Variants in IPO5 observed in about 807,000 individuals in gnomAD.
The protein encoded by IPO5 is importin 5.
In IPO5, 18 loss-of-function variants were observed where a neutral mutation model predicts 143.3. The observed-to-expected ratio is 0.13, with a 90% CI of 0.09 to 0.19. IPO5 has a LOEUF of 0.19. Ranked by LOEUF, IPO5 falls within the 10% of genes least tolerant of loss-of-function variation. The pLI is 1.00. For missense variants in IPO5, 1,013 were observed against 1,336.9 expected, an observed-to-expected ratio of 0.76 and a Z score of 3.78; for synonymous variants, 477 against 465.7, an observed-to-expected ratio of 1.02 and a Z score of -0.31.
chr13:97,983,816 T>C (rs535209058), intron 5 of IPO5, among the ~76,000 whole-genome samples: 96 of 152,158 alleles, frequency 6.3e-4, no homozygotes, highest in Non-Finnish European at 9.1e-4. Context: ...AGCAACTTCA[T>C]GTTCTCTCAA....
At chr13:97,990,629 T>A (rs1887729993) in intron 9 of IPO5, 92 bp downstream of exon 9, 1 of 707,860 alleles carries the variant, frequency 1.4e-6, no homozygotes, top group East Asian at 2.8e-5. Context: ...TATTGCCTAT[T>A]ATGTTCTGGC....
At chr13:97,980,961 A>T (rs1202448298) in intron 4 of IPO5, among the ~76,000 whole-genome samples, 24 of 152,292 alleles carry the variant, frequency 1.6e-4, no homozygotes, top group Non-Finnish European at 1.3e-4. Context: ...GATACTTTTT[A>T]AATGAAAACA....
At position 98,019,581 on chromosome 13, in the gene IPO5, A is replaced by G; in HGVS notation, c.2837A>G (p.Glu946Gly). Residue 946 changes from glutamate to glycine, a missense_variant and splice_region_variant, in exon 27 of 29, where the codon GAA (glutamate) becomes GGA (glycine). Glu to Gly is a moderately conservative substitution (Grantham distance 98). Transcript: ENST00000651721. ...GGDNYRPFCTEALPLLVRVIQ... is the reference protein window; with the variant it reads ...GGDNYRPFCTGALPLLVRVIQ... ...AACTTCTTTCAAATGCTTATTTTAG[A>G]AGCACTTCCCCTGCTGGTAAGAGTT... is the stretch of plus-strand genomic sequence containing the variant. 6.2e-7 allele frequency: 1 copy of G among 1,606,372 alleles called. No individual in the cohort carries two copies. Among genetic ancestry groups the G allele is most frequent in the Non-Finnish European group, 8.5e-7 (1 of 1,174,082 alleles).
chr13:98,005,239 C>G (rs1338278872), intron 16 of IPO5, among the ~76,000 whole-genome samples: 1 of 151,576 alleles, frequency 6.6e-6, no homozygotes, highest in Non-Finnish European at 1.5e-5. Context: ...CTCTTGTCAA[C>G]CCAGCTGGGA....
At chr13:97,958,540 C>T (rs1802142341) in intron 2 of IPO5, among the ~76,000 whole-genome samples, 3 of 152,078 alleles carry the variant, frequency 2.0e-5, no homozygotes, top group Non-Finnish European at 4.4e-5. Context: ...ATTGCAGGGT[C>T]CTCTATCTCA....
intron 2 of IPO5, among the ~76,000 whole-genome samples, chr13:97,956,210 G>A (rs569720630): frequency 2.6e-4 from 39 of 151,942 alleles, no homozygotes; most frequent in Admixed American, 2.4e-3. Flanking sequence ...CAAAAGGCCA[G>A]TAAGGAATTA....
intron 12 of IPO5, among the ~76,000 whole-genome samples, chr13:97,998,397 C>G (rs1290990088): frequency 6.6e-6 from 1 of 152,124 alleles, no homozygotes; most frequent in Non-Finnish European, 1.5e-5. Flanking sequence ...GTGATAAATG[C>G]TTTTACAGGC....
chr13:98,024,104 T>TA lies in IPO5; in HGVS notation c.*2283dup, dbSNP rs1890640795. 6.6e-6 allele frequency: 1 copy of TA among 152,198 alleles called. No individual in the cohort carries two copies. The highest frequency in any genetic ancestry group is 1.5e-5 in the Non-Finnish European group (1 of 68,038). The allele number at this position is 152,198 out of a possible 1,614,324, so 9.4% of individuals were successfully genotyped here. On this transcript the variant is annotated 3_prime_UTR_variant, in exon 29 of 29. Coordinates refer to ENST00000651721, the MANE Select transcript of IPO5 (RefSeq NM_002271.6). ...GTTTTCTGGGAATTTTGTAACAAGT[T>TA]ACACGCACAAGTGTTAGAAACTTTG...
chr13:98,021,414 A>C (rs1890478584), intron 28 of IPO5: 1 of 357,510 alleles, frequency 2.8e-6, no homozygotes, highest in Admixed American at 4.4e-5. Flanking sequence ...TTAAGAAAAA[A>C]AAACAAGATT....
Position 98,021,776 on chromosome 13 carries a change from G to A in IPO5, c.3248G>A (p.Ser1083Asn), listed in dbSNP as rs1890512306. Residue 1083 changes from serine to asparagine, a missense_variant, in exon 29 of 29, where the codon AGT becomes AAT. Ser to Asn is a conservative substitution (Grantham distance 46). Transcript: ENST00000651721. ...GLWTECIAQL[S>N]PEQQAAIQEL... ...TGGACTGAGTGCATAGCACAGCTCA[G>A]TCCTGAGCAGCAGGCCGCCATTCAG... is the stretch of plus-strand genomic sequence containing the variant. 6.2e-7 allele frequency: 1 copy of A among 1,604,258 alleles called. No individual in the cohort carries two copies. The highest frequency in any genetic ancestry group is 8.5e-7 in the Non-Finnish European group (1 of 1,172,686).
Position 98,022,464 on chromosome 13 carries a change from T to TG in IPO5, c.*642_*643insG, listed in dbSNP as rs1374816449. 1 of 152,654 alleles carries TG rather than the reference T, an allele frequency of 6.6e-6. No individual in the cohort carries two copies. Among genetic ancestry groups the TG allele is most frequent in the East Asian group, 1.9e-4 (1 of 5,194 alleles). The allele number at this position is 152,654 out of a possible 1,614,324, so 9.5% of individuals were successfully genotyped here. On this transcript the variant is annotated 3_prime_UTR_variant, in exon 29 of 29. Coordinates refer to ENST00000651721, the MANE Select transcript of IPO5 (RefSeq NM_002271.6). ...CAGTAGTCTCTCATTCACTCCTCAA[T>TG]AAACAACATTGAATACAAAAGAGGC...
chr13:97,989,618 T>G (rs145032066), intron 7 of IPO5, among the ~76,000 whole-genome samples: 1,607 of 152,356 alleles, frequency 0.011, 20 homozygotes, highest in Non-Finnish European at 0.018. Flanking sequence ...AGTCTAAGTT[T>G]AGAATTAAGT....
intron 5 of IPO5, among the ~76,000 whole-genome samples, chr13:97,983,932 G>GTCAAAT (rs1887084639): frequency 8.3e-6 from 1 of 120,506 alleles, no homozygotes; most frequent in South Asian, 2.8e-4. Flanking sequence ...CAAAATGGAT[G>GTCAAAT]TCAAATATGA....
At chr13:97,991,117 A>T (rs1327362194) in intron 9 of IPO5, among the ~76,000 whole-genome samples, 2 of 152,194 alleles carry the variant, frequency 1.3e-5, no homozygotes, top group Admixed American at 6.5e-5. Context: ...CAACCTTGTC[A>T]GACTCCAAAC....
At chr13:98,019,201 C>T (rs577463377) in intron 26 of IPO5, among the ~76,000 whole-genome samples, 1 of 152,184 alleles carries the variant, frequency 6.6e-6, no homozygotes. Flanking sequence ...ATCGGCCCAC[C>T]TCAGCCTCCC....
chr13:98,013,858 A>G (rs527733247), intron 21 of IPO5, among the ~76,000 whole-genome samples, 184 bp from the exon 22 acceptor site: 26 of 152,234 alleles, frequency 1.7e-4, no homozygotes, highest in Non-Finnish European at 3.5e-4. Flanking sequence ...TCCTGCCACT[A>G]TTACAGGTGA....
intron 4 of IPO5, chr13:97,979,937 A>G: frequency 2.2e-6 from 1 of 456,770 alleles, no homozygotes; most frequent in South Asian, 1.5e-5. Flanking sequence ...ACTTTTCCTC[A>G]TACAAGGTAG....
chr13:97,974,917 A>T (rs996586778), intron 3 of IPO5, among the ~76,000 whole-genome samples: 4 of 152,194 alleles, frequency 2.6e-5, no homozygotes, highest in African/African-American at 4.8e-5. Context: ...TTAGAAAAAA[A>T]TCTTGGCTGG....
intron 4 of IPO5, among the ~76,000 whole-genome samples, chr13:97,981,600 AC>A (rs1274163306): frequency 6.6e-6 from 1 of 152,218 alleles, no homozygotes; most frequent in African/African-American, 2.4e-5. Context: ...AATCAATGTT[AC>A]CCACATTAGA....
Sources: gnomAD v4.1 joint callset for allele counts (sites outside exome capture counted in the v4.1 genomes callset) on GRCh38, gnomAD v4.1.1 for gene constraint, MANE v1.5 for transcripts, NCBI Gene and HGNC (gene_info 2026-07-23, HGNC 2026-07-21) for gene names.